The following LRP4 variants were observed in gnomAD, a reference collection of about 807,000 sequenced individuals.
LRP4 encodes LDL receptor related protein 4.
In LRP4, 95 loss-of-function variants were observed where a neutral mutation model predicts 220.3. That is an observed-to-expected ratio of 0.43 (90% CI 0.37 to 0.51). The LOEUF (loss-of-function observed/expected upper bound fraction) is 0.51. Ranked by LOEUF, LRP4 falls within the 20% of genes least tolerant of loss-of-function variation. The pLI, the probability that LRP4 is intolerant of heterozygous loss-of-function variation, is 0.00. For missense variants in LRP4, 1,925 were observed against 2,567.0 expected, an observed-to-expected ratio of 0.75 and a Z score of 5.40; for synonymous variants, 903 against 954.6, an observed-to-expected ratio of 0.95 and a Z score of 1.00.
Position 46,875,833 on chromosome 11 carries a change from G to T in LRP4, c.3670C>A (p.Gln1224Lys). Residue 1224 changes from glutamine to lysine, a missense_variant, in exon 26 of 38, where the codon CAA becomes AAA. Gln to Lys is a moderately conservative substitution (Grantham distance 53, BLOSUM62 1). Transcript: ENST00000378623. This position sits in a 1 kb window ranked among gnomAD's most constrained non-coding sequence, Gnocchi z 4.5. ...GTGTGGGCATCGGCCCATAGCAGTTGGGAGCTGGCCTTGTCCACAGTCAGT... is the reference window on the plus strand; with the variant it reads ...GTGTGGGCATCGGCCCATAGCAGTTTGGAGCTGGCCTTGTCCACAGTCAGT... ...NGLTVDKASSQLLWADAHTER... is the reference protein window; with the variant it reads ...NGLTVDKASSKLLWADAHTER... The T allele has an allele frequency of 6.2e-7, 1 of 1,614,118 alleles. No homozygotes were observed. The highest frequency in any genetic ancestry group is 8.5e-7 in the Non-Finnish European group (1 of 1,180,022).
At chr11:46,891,218 A>C (rs569189036) in intron 13 of LRP4, among the ~76,000 whole-genome samples, 1 of 151,932 alleles carries the variant, frequency 6.6e-6, no homozygotes, top group East Asian at 1.9e-4. Flanking sequence ...GACCCAAGTG[A>C]TTCTCCTGCC....
Position 46,889,841 on chromosome 11 carries a change from T to C in LRP4, c.2092+103A>G. ...GTCAGTGCCCTGCTGGATTTCCCCA[T>C]CAGAAGAAATGGCAACTCTAAGGGG... On this transcript the variant is annotated intron_variant, in intron 15 of 37. Transcript: ENST00000378623. 4 of 1,321,500 alleles carry C rather than the reference T, an allele frequency of 3.0e-6. No individual in the cohort carries two copies. In the South Asian group the frequency reaches 4.8e-5, roughly 16 times the overall value. 81.9% of individuals were successfully genotyped at this position (1,321,500 alleles called of 1,614,324 possible). A position where few individuals can be genotyped will look rare whatever the true frequency, so the allele number is the denominator to read the frequency against.
chr11:46,883,315 T>A (rs1228896583), intron 19 of LRP4, among the ~76,000 whole-genome samples: 1 of 152,220 alleles, frequency 6.6e-6, no homozygotes, highest in African/African-American at 2.4e-5. Flanking sequence ...ATGATGGCCA[T>A]AACGCCCACA....
In LRP4 at chr11:46,900,130, G is replaced by T. The variant is rs541535176; in HGVS notation, c.316+132C>A. Reference sequence around the variant, plus strand: ...CTCTCAGCAGCTTATCTGACTTCGAGAGGAAGTGAAAGGACAGGACAAAGT... The same window carrying T: ...CTCTCAGCAGCTTATCTGACTTCGATAGGAAGTGAAAGGACAGGACAAAGT... On this transcript the variant is annotated intron_variant, in intron 3 of 37. Coordinates refer to ENST00000378623, the MANE Select transcript of LRP4 (RefSeq NM_002334.4). The T allele has an allele frequency of 3.3e-5, 32 of 962,732 alleles. No homozygotes were observed. The African/African-American group carries it at 4.3e-4, about 13-fold the overall frequency. 59.6% of individuals were successfully genotyped at this position (962,732 alleles called of 1,614,324 possible). A position where few individuals can be genotyped will look rare whatever the true frequency, so the allele number is the denominator to read the frequency against.
intron 1 of LRP4, among the ~76,000 whole-genome samples, chr11:46,907,106 G>A (rs572477485): frequency 6.6e-6 from 1 of 152,182 alleles, no homozygotes; most frequent in Non-Finnish European, 1.5e-5. Flanking sequence ...GGTGAGTGAA[G>A]AAAGAAAACA....
chr11:46,906,137 A>G (rs1332758168), intron 1 of LRP4, among the ~76,000 whole-genome samples: 1 of 152,136 alleles, frequency 6.6e-6, no homozygotes, highest in Non-Finnish European at 1.5e-5. Flanking sequence ...GTAGCCCCTT[A>G]AGCTTCAGTT....
At position 46,894,695 on chromosome 11, in the gene LRP4, G is replaced by A. The variant is rs957933915; in HGVS notation, c.1434C>T (p.Arg478=). 1.9e-6 allele frequency: 3 copies of A among 1,614,110 alleles called. No homozygotes were observed. Among genetic ancestry groups the A allele is most frequent in the African/African-American group, 1.3e-5 (1 of 74,938 alleles). ...ENAIALDFHH[R]RELVFWSDVT... Reference sequence around the variant, plus strand: ...CATCTGACCAGAAGACAAGCTCGCGGCGGTGGTGGAAATCAAGGGCAATGG... The same window carrying A: ...CATCTGACCAGAAGACAAGCTCGCGACGGTGGTGGAAATCAAGGGCAATGG... The change falls in exon 12 of 38, where the codon CGC becomes CGT. Residue 478 remains arginine, a synonymous_variant. Coordinates refer to ENST00000378623, the MANE Select transcript of LRP4 (RefSeq NM_002334.4).
intron 35 of LRP4, 42 bp from the exon 36 acceptor site, chr11:46,864,577 C>A (rs1555170975): frequency 1.5e-6 from 2 of 1,326,792 alleles, no homozygotes; most frequent in Admixed American, 1.7e-5. Flanking sequence ...CCACCGACAA[C>A]TTTCTAGCGG....
chr11:46,918,149 C>A lies in LRP4; in HGVS notation c.52+179G>T, dbSNP rs541813133. 3.3e-5 allele frequency among the ~76,000 whole-genome samples: 5 copies of A among 152,124 alleles called. No homozygotes were observed. Among genetic ancestry groups the A allele is most frequent in the Admixed American group, 2.6e-4 (4 of 15,296 alleles). On this transcript the variant is annotated intron_variant, in intron 1 of 37. Transcript: ENST00000378623. The surrounding 1 kb of genome is among the most constrained non-coding windows in gnomAD (Gnocchi z 6.0). ...GCGGAAGCGCCTCCGCTGATGCCCC[C>A]GCTCGGACTGCTGGAGCCGGGGCCG...
intron 37 of LRP4, among the ~76,000 whole-genome samples, chr11:46,861,177 T>A (rs1411287245): frequency 2.0e-5 from 3 of 152,196 alleles, no homozygotes; most frequent in Non-Finnish European, 4.4e-5. Flanking sequence ...CCCTGCACAT[T>A]CTGTTTTGAC....
At chr11:46,901,854 T>TC (rs2134868153) in intron 2 of LRP4, among the ~76,000 whole-genome samples, 1 of 152,022 alleles carries the variant, frequency 6.6e-6, no homozygotes, top group South Asian at 2.1e-4. Context: ...TGCCTCAGCC[T>TC]CCCAAGTAGC....
chr11:46,908,953 C>T (rs963426020), intron 1 of LRP4, among the ~76,000 whole-genome samples: 8 of 152,240 alleles, frequency 5.3e-5, no homozygotes, highest in African/African-American at 1.7e-4. Context: ...TAAGGGCACC[C>T]GCTTTGGCCA....
rs966351384 is a variant in LRP4, at chr11:46,867,959, C to A, written c.5087+20G>T. Reference sequence around the variant, plus strand: ...TGATTTGAATCAAAGGGCCCATGATCCTGCATTGAACCTATTTACCTTCCT... The same window carrying A: ...TGATTTGAATCAAAGGGCCCATGATACTGCATTGAACCTATTTACCTTCCT... On this transcript the variant is annotated intron_variant, in intron 34 of 37. Transcript: ENST00000378623. The A allele has an allele frequency of 6.2e-7, 1 of 1,614,116 alleles. No homozygotes were observed.
At chr11:46,912,020 A>C (rs1172227317) in intron 1 of LRP4, among the ~76,000 whole-genome samples, 1 of 151,804 alleles carries the variant, frequency 6.6e-6, no homozygotes, top group Non-Finnish European at 1.5e-5. Flanking sequence ...ACGTCAGCTA[A>C]TTTTTGTATT....
chr11:46,870,036 G>A lies in LRP4; in HGVS notation c.4693-904C>T, dbSNP rs540563182. ...CAGGAGAGTCACTTGAACCCAGGAG[G>A]TGGGGGTTGTAGTGAGCCAAGATCG... On this transcript the variant is annotated intron_variant, in intron 31 of 37. Coordinates refer to ENST00000378623, the MANE Select transcript of LRP4 (RefSeq NM_002334.4). Among the ~76,000 whole-genome samples the A allele has an allele frequency of 2.2e-4, 33 of 152,058 alleles. No homozygotes were observed. The South Asian group carries it at 6.9e-3, about 32-fold the overall frequency.
chr11:46,886,656 C>T (rs1941299261), intron 16 of LRP4, 123 bp from the exon 17 acceptor site: 1 of 806,800 alleles, frequency 1.2e-6, no homozygotes, highest in Middle Eastern at 3.0e-4. Context: ...TGCCCTTTGC[C>T]CCCTATACTT....
intron 36 of LRP4, 88 bp from the exon 37 acceptor site, chr11:46,862,835 C>G (rs1336840532): frequency 8.4e-7 from 1 of 1,191,474 alleles, no homozygotes; most frequent in East Asian, 2.5e-5. Flanking sequence ...GGTAGGCAGC[C>G]TCTAAGATGA....
intron 16 of LRP4, among the ~76,000 whole-genome samples, chr11:46,888,257 C>A (rs1286630746): frequency 7.1e-6 from 1 of 140,700 alleles, no homozygotes; most frequent in Admixed American, 7.1e-5. Flanking sequence ...GGGAGGCGGA[C>A]AAAAAAAAAA....
chr11:46,893,482 G>T (rs1565795272), intron 12 of LRP4, among the ~76,000 whole-genome samples: 1 of 152,318 alleles, frequency 6.6e-6, no homozygotes, highest in East Asian at 1.9e-4. Context: ...TTTTGCAGAG[G>T]CATTTCAGAA....
Sources: gnomAD v4.1 joint callset for allele counts (sites outside exome capture counted in the v4.1 genomes callset) on GRCh38, gnomAD v4.1.1 for gene constraint, Gnocchi (gnomAD v3.1) non-coding constraint, MANE v1.5 for transcripts, NCBI Gene and HGNC (gene_info 2026-07-23, HGNC 2026-07-21) for gene names.